The following PHLPP1 variants were observed in gnomAD, a reference collection of about 807,000 sequenced individuals.
PHLPP1 encodes PH domain leucine-rich repeat-containing protein phosphatase 1.
PHLPP1 carries 42 observed loss-of-function variants against 117.2 expected under a neutral mutation model. The ratio of observed to expected loss-of-function variants is 0.36; its 90% CI spans 0.28 to 0.46. The LOEUF is 0.46. Ranked by LOEUF, PHLPP1 falls within the 20% of genes least tolerant of loss-of-function variation. The pLI, the probability that PHLPP1 is intolerant of heterozygous loss-of-function variation, is 1.00. For missense variants in PHLPP1, 2,084 were observed against 2,241.9 expected, an observed-to-expected ratio of 0.93 and a Z score of 1.42; for synonymous variants, 1,042 against 970.7, an observed-to-expected ratio of 1.07 and a Z score of -1.37.
At chr18:62,912,167 G>T (rs897495039) in intron 8 of PHLPP1, among the ~76,000 whole-genome samples, 1 of 118,006 alleles carries the variant, frequency 8.5e-6, no homozygotes, top group Non-Finnish European at 1.7e-5. Flanking sequence ...TCGGGGGAGG[G>T]GGGAGGGATA....
At chr18:62,948,715 C>G (rs1320364983) in intron 12 of PHLPP1, among the ~76,000 whole-genome samples, 7 of 151,258 alleles carry the variant, frequency 4.6e-5, no homozygotes, top group Admixed American at 3.9e-4. Flanking sequence ...TACGTGTGCA[C>G]TGAGCAATAT....
At chr18:62,952,943 A>G (rs1382487653) in intron 12 of PHLPP1, among the ~76,000 whole-genome samples, 5 of 152,208 alleles carry the variant, frequency 3.3e-5, no homozygotes, top group Admixed American at 6.5e-5. Flanking sequence ...TTTATGTAGA[A>G]TAATAGTACT....
intron 4 of PHLPP1, among the ~76,000 whole-genome samples, chr18:62,863,790 C>T (rs182535944): frequency 2.6e-5 from 4 of 152,190 alleles, no homozygotes; most frequent in African/African-American, 4.8e-5. Context: ...GCTTCTTTAC[C>T]GCATCCTGTT....
At position 62,879,610 on chromosome 18, in the gene PHLPP1, G is replaced by A. The variant is rs577004277; in HGVS notation, c.2067-15401G>A. On this transcript the variant is annotated intron_variant, in intron 4 of 16. Transcript: ENST00000262719. ...GTATTTTTAGTAGACAGGGTTCACC[G>A]TGTTAGTCAGGATGGTCTCGATCTC... 1.9e-4 allele frequency among the ~76,000 whole-genome samples: 29 copies of A among 152,234 alleles called. 1 individual carries two copies. The highest frequency in any genetic ancestry group is 1.0e-3 in the South Asian group (5 of 4,824).
chr18:62,875,396 GTT>G (rs1447568061), intron 4 of PHLPP1, among the ~76,000 whole-genome samples: 1 of 152,182 alleles, frequency 6.6e-6, no homozygotes, highest in Non-Finnish European at 1.5e-5. Flanking sequence ...TCCCCTGACA[GTT>G]TTATAAAATT....
At chr18:62,814,981 G>C (rs1914223831) in intron 1 of PHLPP1, among the ~76,000 whole-genome samples, 1 of 152,094 alleles carries the variant, frequency 6.6e-6, no homozygotes, top group Non-Finnish European at 1.5e-5. Flanking sequence ...TTCAGGAATG[G>C]CTTAGCTTAG....
intron 13 of PHLPP1, among the ~76,000 whole-genome samples, chr18:62,961,114 T>C (rs183553714): frequency 3.0e-4 from 46 of 152,150 alleles, no homozygotes; most frequent in South Asian, 8.3e-4. Flanking sequence ...CTGACCAACA[T>C]GATGAAAACC....
intron 1 of PHLPP1, among the ~76,000 whole-genome samples, chr18:62,803,856 A>G (rs1373108643): frequency 6.6e-6 from 1 of 152,140 alleles, no homozygotes; most frequent in African/African-American, 2.4e-5. Flanking sequence ...AACGTTTGCT[A>G]TTGTTGGTCT....
At chr18:62,900,445 T>C (rs1916691614) in intron 6 of PHLPP1, among the ~76,000 whole-genome samples, 2 of 112,544 alleles carry the variant, frequency 1.8e-5, no homozygotes, top group Non-Finnish European at 4.0e-5. Flanking sequence ...TTTTTTTTTT[T>C]TTTTTTTTTT....
intron 3 of PHLPP1, among the ~76,000 whole-genome samples, chr18:62,841,371 C>T (rs143700018): frequency 3.1e-3 from 427 of 135,626 alleles, no homozygotes; most frequent in Middle Eastern, 9.6e-3. Flanking sequence ...CTCGCTCTGT[C>T]GCCCAGGCTG....
intron 1 of PHLPP1, among the ~76,000 whole-genome samples, chr18:62,748,698 A>G (rs761045235): frequency 2.5e-4 from 38 of 152,184 alleles, no homozygotes; most frequent in Non-Finnish European, 4.6e-4. Context: ...TACTTGGTAT[A>G]TATTTTTTCC....
intron 12 of PHLPP1, among the ~76,000 whole-genome samples, chr18:62,946,239 A>T (rs1910277496): frequency 6.6e-6 from 1 of 152,174 alleles, no homozygotes; most frequent in South Asian, 2.1e-4. Context: ...ATTTGAAGAC[A>T]TTTTAAATGG....
chr18:62,761,522 A>G (rs182799712), intron 1 of PHLPP1, among the ~76,000 whole-genome samples: 5 of 152,170 alleles, frequency 3.3e-5, no homozygotes, highest in African/African-American at 1.2e-4. Context: ...AGTCCCAGCT[A>G]CTTGGGAGGC....
chr18:62,875,881 C>G (rs1055271183), intron 4 of PHLPP1, among the ~76,000 whole-genome samples: 2 of 151,746 alleles, frequency 1.3e-5, no homozygotes, highest in Non-Finnish European at 2.9e-5. Context: ...TACAGGTGCC[C>G]GCCACCACAT....
intron 1 of PHLPP1, among the ~76,000 whole-genome samples, chr18:62,780,869 G>A (rs1163094913): frequency 6.6e-6 from 1 of 152,128 alleles, no homozygotes; most frequent in African/African-American, 2.4e-5. Context: ...CATGCTATAT[G>A]ATACCTCATA....
intron 4 of PHLPP1, among the ~76,000 whole-genome samples, chr18:62,890,027 CCT>C (rs1318937630): frequency 6.6e-6 from 1 of 152,042 alleles, no homozygotes; most frequent in Non-Finnish European, 1.5e-5. Flanking sequence ...GCCCCCGACT[CCT>C]TGTTCTGTAG....
chr18:62,823,453 A>G (rs1382739694), intron 1 of PHLPP1, among the ~76,000 whole-genome samples: 12 of 152,074 alleles, frequency 7.9e-5, no homozygotes, highest in East Asian at 3.9e-4. Context: ...AGTCCCAGCT[A>G]TTCAGGAGGC....
chr18:62,940,401 G>T (rs1910098092), intron 10 of PHLPP1, among the ~76,000 whole-genome samples: 1 of 101,052 alleles, frequency 9.9e-6, no homozygotes, highest in Non-Finnish European at 1.8e-5. Context: ...ATCTCGCTCT[G>T]TCGCCCAGGC....
intron 4 of PHLPP1, among the ~76,000 whole-genome samples, chr18:62,875,118 C>A (rs1047391075): frequency 6.6e-6 from 1 of 152,062 alleles, no homozygotes; most frequent in African/African-American, 2.4e-5. Flanking sequence ...CCACTCCTGG[C>A]TAATTTTTTG....
Sources: gnomAD v4.1 joint callset for allele counts (sites outside exome capture counted in the v4.1 genomes callset) on GRCh38, gnomAD v4.1.1 for gene constraint, MANE v1.5 for transcripts, NCBI Gene and HGNC (gene_info 2026-07-23, HGNC 2026-07-21) for gene names.